BMPR1B: variants seen among roughly 807,000 people sequenced by gnomAD.
BMPR1B encodes the protein bone morphogenetic protein receptor type-1B.
BMPR1B carries 12 observed loss-of-function variants against 59.1 expected under a neutral mutation model. The observed-to-expected ratio is 0.20, with a 90% CI of 0.13 to 0.33. BMPR1B has a LOEUF of 0.33. Ranked by LOEUF, BMPR1B falls within the 10% of genes least tolerant of loss-of-function variation. BMPR1B has a pLI of 1.00. For missense variants in BMPR1B, 550 were observed against 610.9 expected, an observed-to-expected ratio of 0.90 and a Z score of 1.05; for synonymous variants, 237 against 207.3, an observed-to-expected ratio of 1.14 and a Z score of -1.23.
chr4:94,781,474 G>A (rs370731943), intron 1 of BMPR1B, among the ~76,000 whole-genome samples: 52 of 152,054 alleles, frequency 3.4e-4, no homozygotes, highest in African/African-American at 8.9e-4. Context: ...GTGCAGTGGC[G>A]CCATCTTGGC....
chr4:95,095,804 A>C (rs940481406), intron 3 of BMPR1B, among the ~76,000 whole-genome samples: 1 of 151,986 alleles, frequency 6.6e-6, no homozygotes, highest in Non-Finnish European at 1.5e-5. Flanking sequence ...CTGCATTTAA[A>C]TGTGGCAGTG....
At chr4:95,122,805 A>G (rs1732623281) in intron 6 of BMPR1B, among the ~76,000 whole-genome samples, 2 of 152,186 alleles carry the variant, frequency 1.3e-5, no homozygotes, top group Non-Finnish European at 2.9e-5. Context: ...AGTTAAAGGT[A>G]TATAGTACAG....
intron 1 of BMPR1B, among the ~76,000 whole-genome samples, chr4:94,777,961 G>A (rs934518730): frequency 2.6e-5 from 4 of 152,034 alleles, no homozygotes; most frequent in African/African-American, 9.7e-5. Flanking sequence ...GGGAGGCGGA[G>A]GTTGCAGTGA....
At chr4:94,900,641 G>A (rs572333699) in intron 2 of BMPR1B, among the ~76,000 whole-genome samples, 3 of 152,070 alleles carry the variant, frequency 2.0e-5, no homozygotes, top group East Asian at 1.9e-4. Flanking sequence ...TGTTATTTGA[G>A]GCAGAAGTTG....
intron 2 of BMPR1B, among the ~76,000 whole-genome samples, chr4:94,961,785 C>T (rs1028549656): frequency 5.9e-5 from 9 of 152,068 alleles, no homozygotes; most frequent in Non-Finnish European, 8.8e-5. Flanking sequence ...GTTTATTTAA[C>T]GTACTTTAAA....
chr4:94,814,531 A>G (rs769485077), intron 1 of BMPR1B, among the ~76,000 whole-genome samples: 1 of 152,182 alleles, frequency 6.6e-6, no homozygotes, highest in Non-Finnish European at 1.5e-5. Flanking sequence ...ACTTAGGCAC[A>G]TTATTTACCA....
Position 95,132,372 on chromosome 4 carries a change from A to G in BMPR1B, c.1076+860A>G, listed in dbSNP as rs540635154. The stretch of plus-strand genomic sequence containing the variant: ...AAAGAAAAAGTCATGGAGATTATTA[A>G]AAGTTTGGAAAGTAAAATTCACAAA... On this transcript the variant is annotated intron_variant, in intron 10 of 12. Coordinates refer to ENST00000515059, the MANE Select transcript of BMPR1B (RefSeq NM_001203.3). Among the ~76,000 whole-genome samples the G allele has an allele frequency of 1.1e-3, 171 of 152,276 alleles. 1 individual carries two copies. Among genetic ancestry groups the G allele is most frequent in the Non-Finnish European group, 2.1e-3 (144 of 68,000 alleles).
intron 3 of BMPR1B, among the ~76,000 whole-genome samples, chr4:95,081,429 G>T: frequency 6.6e-6 from 1 of 152,192 alleles, no homozygotes. Flanking sequence ...GAGCTTGCCA[G>T]TTCAAGGAAA....
At chr4:95,026,103 T>TTTCTTTCCTTCC (rs201126306) in intron 3 of BMPR1B, among the ~76,000 whole-genome samples, 1 of 124,698 alleles carries the variant, frequency 8.0e-6, no homozygotes, top group Non-Finnish European at 1.7e-5. Flanking sequence ...CTTTCATTTC[T>TTTCTTTCCTTCC]TTCTTTCTTT....
At chr4:94,960,597 A>G (rs1304752566) in intron 2 of BMPR1B, among the ~76,000 whole-genome samples, 3 of 152,138 alleles carry the variant, frequency 2.0e-5, no homozygotes, top group East Asian at 1.9e-4. Flanking sequence ...GGAGTTTAAC[A>G]TGGAAAATGT....
At chr4:95,086,394 A>C (rs1446530604) in intron 3 of BMPR1B, among the ~76,000 whole-genome samples, 1 of 152,222 alleles carries the variant, frequency 6.6e-6, no homozygotes, top group Non-Finnish European at 1.5e-5. Context: ...TGTTTTTCTT[A>C]AGACCCATAG....
At chr4:95,051,304 T>A (rs1726481859) in intron 3 of BMPR1B, among the ~76,000 whole-genome samples, 1 of 152,258 alleles carries the variant, frequency 6.6e-6, no homozygotes, top group Non-Finnish European at 1.5e-5. Context: ...CAAACTATTT[T>A]ATGACAGCAG....
At chr4:94,912,509 C>G (rs1436760677) in intron 2 of BMPR1B, among the ~76,000 whole-genome samples, 1 of 152,096 alleles carries the variant, frequency 6.6e-6, no homozygotes, top group African/African-American at 2.4e-5. Flanking sequence ...GGAGGTCCAT[C>G]TGCTTTTTAC....
chr4:95,096,218 T>C (rs899972425), intron 3 of BMPR1B, among the ~76,000 whole-genome samples: 1 of 151,756 alleles, frequency 6.6e-6, no homozygotes, highest in Non-Finnish European at 1.5e-5. Flanking sequence ...TTAAATACTT[T>C]AAAGAAATTA....
At chr4:94,783,700 A>G (rs1180429540) in intron 1 of BMPR1B, among the ~76,000 whole-genome samples, 1 of 152,142 alleles carries the variant, frequency 6.6e-6, no homozygotes, top group East Asian at 1.9e-4. Context: ...TGCACTATGA[A>G]TGAGCTAAGG....
At chr4:95,017,786 T>C (rs1458894983) in intron 3 of BMPR1B, among the ~76,000 whole-genome samples, 1 of 152,206 alleles carries the variant, frequency 6.6e-6, no homozygotes, top group Admixed American at 6.5e-5. Context: ...TTGGTATATA[T>C]CTTTTTCTAA....
chr4:95,051,153 G>T (rs1560618100), intron 3 of BMPR1B, among the ~76,000 whole-genome samples: 1 of 152,178 alleles, frequency 6.6e-6, no homozygotes, highest in Admixed American at 6.5e-5. Context: ...GTGACGTAGT[G>T]TGAGTAAACT....
At chr4:94,948,305 A>G (rs2149051187) in intron 2 of BMPR1B, among the ~76,000 whole-genome samples, 1 of 152,330 alleles carries the variant, frequency 6.6e-6, no homozygotes, top group South Asian at 2.1e-4. Flanking sequence ...CCTAGATCAA[A>G]CATGTTCAGA....
chr4:94,835,393 G>A (rs1319042491), intron 1 of BMPR1B, among the ~76,000 whole-genome samples: 1 of 152,108 alleles, frequency 6.6e-6, no homozygotes, highest in African/African-American at 2.4e-5. Flanking sequence ...TTTGGCAACA[G>A]TGTGCACACA....
Sources: allele counts gnomAD v4.1 joint callset (sites outside exome capture counted in the v4.1 genomes callset), GRCh38; gene constraint gnomAD v4.1.1; transcripts MANE v1.5; gene names NCBI Gene and HGNC (gene_info 2026-07-23, HGNC 2026-07-21).